METTL8: variants seen among roughly 807,000 people sequenced by gnomAD.
METTL8 encodes the protein methyltransferase 8, tRNA N3-cytidine, also known as tRNA N(3)-cytidine methyltransferase METTL8, mitochondrial.
Under a neutral mutation model 48.7 loss-of-function variants are expected in METTL8, and 32 were observed. That is an observed-to-expected ratio of 0.66 (90% confidence interval 0.50 to 0.88). The LOEUF is 0.88. Among genes scored for constraint, METTL8 ranks in the 40% least tolerant of loss-of-function variants. The pLI, the probability that METTL8 is intolerant of heterozygous loss-of-function variation, is 0.00. For missense variants in METTL8, 464 were observed against 474.4 expected (o/e 0.98, Z 0.20); for synonymous variants, 136 against 157.1 (o/e 0.87, Z 1.01).
At chr2:171,431,077 T>C (rs1171399273) in intron 1 of METTL8, among the ~76,000 whole-genome samples, 1 of 152,144 alleles carries the variant, frequency 6.6e-6, no homozygotes, top group African/African-American at 2.4e-5. Flanking sequence ...TGGCTGAGAA[T>C]GAAAGGAGTT....
chr2:171,414,193 G>A (rs1410291386), intron 1 of METTL8, among the ~76,000 whole-genome samples: 6 of 152,082 alleles, frequency 3.9e-5, no homozygotes, highest in East Asian at 3.9e-4. Context: ...CAAGGTGGGC[G>A]GATCACCTGA....
intron 7 of METTL8, among the ~76,000 whole-genome samples, chr2:171,329,589 C>G (rs1685314654): frequency 6.6e-6 from 1 of 152,184 alleles, no homozygotes; most frequent in Non-Finnish European, 1.5e-5. Flanking sequence ...ACCTGACATA[C>G]CTCACTAGGT....
intron 3 of METTL8, among the ~76,000 whole-genome samples, chr2:171,355,781 A>C (rs1205653026): frequency 6.6e-6 from 1 of 152,172 alleles, no homozygotes; most frequent in Admixed American, 6.5e-5. Flanking sequence ...CATTTGATAT[A>C]ATCTCCTGGT....
At chr2:171,432,830 T>C (rs1396631197) in intron 1 of METTL8, among the ~76,000 whole-genome samples, 1 of 152,226 alleles carries the variant, frequency 6.6e-6, no homozygotes. Flanking sequence ...CAAAATGACA[T>C]ATAACAAAAC....
chr2:171,367,897 CT>C (rs1206098832), intron 2 of METTL8, among the ~76,000 whole-genome samples: 1 of 152,134 alleles, frequency 6.6e-6, no homozygotes, highest in Admixed American at 6.5e-5. Context: ...GTCGTCCACC[CT>C]TTGAGGTGGA....
rs528455999 is a variant in METTL8 at position 171,371,041 on chromosome 2, T to C, written c.144-10528A>G. ...TTATTCTATTTCATCAAATCCAATA[T>C]GCTATTATTTTCTGTACCAGTAATA... On this transcript the variant is annotated intron_variant, in intron 2 of 9. Transcript: ENST00000375258. Among the ~76,000 whole-genome samples, 8 of 152,278 alleles carry C rather than the reference T, an allele frequency of 5.3e-5. No individual in the cohort carries two copies. The East Asian group carries it at 9.7e-4, about 18-fold the overall frequency.
At chr2:171,375,344 T>C (rs1477581700) in intron 2 of METTL8, 5 of 668,340 alleles carry the variant, frequency 7.5e-6, no homozygotes, top group South Asian at 3.4e-5. Flanking sequence ...CTCGTTAGCA[T>C]AGTGGTGAGT....
intron 3 of METTL8, among the ~76,000 whole-genome samples, chr2:171,350,648 T>C (rs1340981172): frequency 7.2e-5 from 11 of 152,124 alleles, no homozygotes; most frequent in South Asian, 4.2e-4. Context: ...TTTTAATGAT[T>C]GCCATTCTAA....
At chr2:171,387,377 G>A (rs1187273476) in intron 2 of METTL8, among the ~76,000 whole-genome samples, 1 of 151,910 alleles carries the variant, frequency 6.6e-6, no homozygotes, top group African/African-American at 2.4e-5. Context: ...GGGGACATAG[G>A]AGCTTTTTCC....
At chr2:171,346,533 C>T (rs1687280773) in intron 3 of METTL8, among the ~76,000 whole-genome samples, 1 of 152,044 alleles carries the variant, frequency 6.6e-6, no homozygotes, top group Non-Finnish European at 1.5e-5. Context: ...AAGAAATGTG[C>T]CAGAGAGTTG....
intron 5 of METTL8, among the ~76,000 whole-genome samples, chr2:171,336,863 CT>C (rs71013037): frequency 1.8e-3 from 162 of 88,112 alleles, no homozygotes; most frequent in Middle Eastern, 0.011. Flanking sequence ...ATCACTTCCT[CT>C]TTTTTTTTTT....
intron 5 of METTL8, among the ~76,000 whole-genome samples, chr2:171,335,821 C>T (rs2105409309): frequency 6.6e-6 from 1 of 152,248 alleles, no homozygotes; most frequent in East Asian, 1.9e-4. Context: ...AAAATTTTGT[C>T]AGTGGCTATG....
chr2:171,382,496 T>C (rs368709847), intron 2 of METTL8, among the ~76,000 whole-genome samples: 3 of 151,328 alleles, frequency 2.0e-5, no homozygotes, highest in African/African-American at 7.3e-5. Context: ...TAAGTAGGAG[T>C]TGAACAATGA....
In METTL8 at chr2:171,322,865, T is replaced by C. The variant is rs908806951; in HGVS notation, c.*1307A>G. 1 of 151,352 alleles carries C rather than the reference T, an allele frequency of 6.6e-6. No homozygotes were observed. Among genetic ancestry groups the C allele is most frequent in the African/African-American group, 2.4e-5 (1 of 41,058 alleles). The allele number at this position is 151,352 out of a possible 1,614,324, so 9.4% of individuals were successfully genotyped here. ...TCTTGATTATATGCTACACAAGGGG[T>C]GGATTATTCAGGCCTCCCCTTTGTA... On this transcript the variant is annotated 3_prime_UTR_variant, in exon 10 of 10. Coordinates refer to ENST00000375258, the MANE Select transcript of METTL8 (RefSeq NM_001321154.2).
At chr2:171,346,363 T>C (rs1687266998) in intron 3 of METTL8, among the ~76,000 whole-genome samples, 1 of 152,192 alleles carries the variant, frequency 6.6e-6, no homozygotes, top group African/African-American at 2.4e-5. Context: ...AAAAATGAAA[T>C]GTCAACCATC....
At chr2:171,411,618 G>A (rs1426354996) in intron 1 of METTL8, among the ~76,000 whole-genome samples, 7 of 151,886 alleles carry the variant, frequency 4.6e-5, no homozygotes, top group Admixed American at 1.3e-4. Flanking sequence ...AGGGCCACCC[G>A]TTTGGAAAAA....
chr2:171,432,757 C>T (rs1322179624), intron 1 of METTL8, among the ~76,000 whole-genome samples: 1 of 152,186 alleles, frequency 6.6e-6, no homozygotes, highest in Non-Finnish European at 1.5e-5. Flanking sequence ...ACCCAACACA[C>T]TCACCCAGTA....
chr2:171,410,429 T>C (rs924029018), intron 1 of METTL8, among the ~76,000 whole-genome samples: 1 of 152,220 alleles, frequency 6.6e-6, no homozygotes, highest in Non-Finnish European at 1.5e-5. Flanking sequence ...TTAAATATGA[T>C]TCTTTCCAAA....
chr2:171,324,371 C>T lies in METTL8; in HGVS notation c.1034-9G>A, dbSNP rs1029094407. On this transcript the variant is annotated splice_polypyrimidine_tract_variant and intron_variant, in intron 9 of 9. Coordinates refer to ENST00000375258, the MANE Select transcript of METTL8 (RefSeq NM_001321154.2). ...CATACTGTGGACTTCCCCTGTGAGA[C>T]AAAAATGGCAATAAAAGATATGACA... 9 of 1,548,798 alleles carry T rather than the reference C, an allele frequency of 5.8e-6. No homozygotes were observed. The African/African-American group carries it at 6.9e-5, about 12-fold the overall frequency.
Sources: gnomAD v4.1 joint callset for allele counts (sites outside exome capture counted in the v4.1 genomes callset) on GRCh38, gnomAD v4.1.1 for gene constraint, MANE v1.5 for transcripts, NCBI Gene and HGNC (gene_info 2026-07-23, HGNC 2026-07-21) for gene names.